Variants in LMNTD1 observed in about 807,000 individuals in gnomAD.
The protein encoded by LMNTD1 is lamin tail domain-containing protein 1.
LMNTD1 carries 35 observed loss-of-function variants against 50.9 expected under a neutral mutation model. The observed-to-expected ratio is 0.69, with a 90% CI of 0.53 to 0.91. LMNTD1 has a LOEUF of 0.91. LMNTD1 is among the 40% of genes least tolerant of loss of function. The probability of loss-of-function intolerance (pLI) is 0.00; values close to 1 mark genes in which losing one functional copy is unlikely to be tolerated. For synonymous variants in LMNTD1, 153 were observed against 161.9 expected (o/e 0.94, Z 0.42); for missense variants, 470 against 475.5 (o/e 0.99, Z 0.11).
chr12:25,628,107 CAAAAAAAAAAAAAAAAAAAA>C (rs58780549), intron 1 of LMNTD1, among the ~76,000 whole-genome samples: 3 of 52,452 alleles, frequency 5.7e-5, no homozygotes, highest in Admixed American at 6.7e-4. Context: ...AACTCCGTCT[CAAAAAAAAAAAAAAAAAAAA>C]AAAAAAAAAA....
chr12:25,478,973 A>C (rs1293712222), intron 9 of LMNTD1, among the ~76,000 whole-genome samples: 1 of 151,738 alleles, frequency 6.6e-6, no homozygotes, highest in African/African-American at 2.4e-5. Flanking sequence ...GTGGTTTCCC[A>C]TTGACCTTAA....
intron 1 of LMNTD1, among the ~76,000 whole-genome samples, chr12:25,606,438 T>C (rs1345693463): frequency 2.0e-5 from 3 of 152,222 alleles, no homozygotes; most frequent in African/African-American, 7.2e-5. Flanking sequence ...TTCCAGTTTT[T>C]GTCCATTCAG....
chr12:25,490,570 A>G (rs371781497), intron 9 of LMNTD1, among the ~76,000 whole-genome samples: 2 of 152,212 alleles, frequency 1.3e-5, no homozygotes, highest in Non-Finnish European at 2.9e-5. Flanking sequence ...AACTATAAAC[A>G]TGAAAATCAG....
intron 1 of LMNTD1, among the ~76,000 whole-genome samples, chr12:25,625,804 G>A (rs779284361): frequency 6.6e-6 from 1 of 152,122 alleles, no homozygotes; most frequent in African/African-American, 2.4e-5. Context: ...AAGACAGGCT[G>A]GAGAGACAAC....
chr12:25,486,917 T>C (rs1445174307), intron 9 of LMNTD1, among the ~76,000 whole-genome samples: 3 of 152,142 alleles, frequency 2.0e-5, no homozygotes, highest in Admixed American at 1.3e-4. Context: ...CAGTATTTTA[T>C]TGAGGATTTT....
intron 8 of LMNTD1, among the ~76,000 whole-genome samples, chr12:25,505,726 C>G (rs1326399303): frequency 6.6e-6 from 1 of 152,124 alleles, no homozygotes; most frequent in Admixed American, 6.6e-5. Flanking sequence ...GTTTTCTACT[C>G]AGTCTGATGA....
intron 1 of LMNTD1, among the ~76,000 whole-genome samples, chr12:25,601,272 AGAGTAGAAGG>A (rs1945965378): frequency 6.6e-6 from 1 of 151,956 alleles, no homozygotes; most frequent in Admixed American, 6.6e-5. Flanking sequence ...AGGAAGTTAG[AGAGTAGAAGG>A]ACAGTTACCA....
At chr12:25,576,477 C>T (rs1486878810) in intron 1 of LMNTD1, among the ~76,000 whole-genome samples, 2 of 152,204 alleles carry the variant, frequency 1.3e-5, no homozygotes, top group Non-Finnish European at 2.9e-5. Flanking sequence ...CTGTTGGCTG[C>T]ATAAATGTCT....
chr12:25,503,941 A>T, intron 8 of LMNTD1, 141 bp from the exon 9 acceptor site: 1 of 544,644 alleles, frequency 1.8e-6, no homozygotes, highest in Non-Finnish European at 3.2e-6. Context: ...ATTTTCTTTC[A>T]CTTGAAGAAG....
chr12:25,529,966 A>C (rs1942106344), intron 4 of LMNTD1, among the ~76,000 whole-genome samples: 1 of 152,098 alleles, frequency 6.6e-6, no homozygotes. Flanking sequence ...ATGCACACAC[A>C]TACTATTTCC....
intron 1 of LMNTD1, among the ~76,000 whole-genome samples, chr12:25,565,791 T>C (rs1220203273): frequency 6.6e-6 from 1 of 152,226 alleles, no homozygotes; most frequent in Non-Finnish European, 1.5e-5. Context: ...TTGAAATCCC[T>C]CAGCTTCCGA....
intron 1 of LMNTD1, among the ~76,000 whole-genome samples, chr12:25,643,150 T>C (rs1946988447): frequency 6.6e-6 from 1 of 152,212 alleles, no homozygotes; most frequent in Admixed American, 6.5e-5. Context: ...TAGATTGTAA[T>C]AAGAGTCATA....
intron 1 of LMNTD1, among the ~76,000 whole-genome samples, chr12:25,645,454 C>G (rs7968217): frequency 0.67 from 101,296 of 151,964 alleles, 34,033 homozygotes; most frequent in Admixed American, 0.72. Context: ...TGAAAGGTTA[C>G]GTTGCTCATA....
At position 25,594,522 on chromosome 12, in the gene LMNTD1, G is replaced by A. The variant is rs187414480; in HGVS notation, c.59-47968C>T. ...AGACAACCAAATGTTGACAGAATTC[G>A]CCACTACCAAGCTGAAACTACAAGA... On this transcript the variant is annotated intron_variant, in intron 1 of 7. Transcript: ENST00000445693. Among the ~76,000 whole-genome samples, 31 of 151,898 alleles carry A rather than the reference G, an allele frequency of 2.0e-4. 1 individual carries two copies. In the East Asian group the frequency reaches 4.8e-3, roughly 24 times the overall value.
rs756090168 is a variant in LMNTD1, at chr12:25,549,542, C to G, written c.94G>C (p.Glu32Gln). Residue 32 changes from glutamate to glutamine, a missense_variant, in exon 3 of 10, where the codon GAA (glutamate) becomes CAA (glutamine). By Grantham distance (29) the Glu-to-Gln change is conservative. Transcript: ENST00000458174. ...AAAGAATATACTCCAAGTTTGTCTTCTCTTCTGTGTACAAAAAATATAATA... is the reference window on the plus strand; with the variant it reads ...AAAGAATATACTCCAAGTTTGTCTTGTCTTCTGTGTACAAAAAATATAATA... ...EDKNEKQKQREDKLGVYSLVH... is the reference protein window; with the variant it reads ...EDKNEKQKQRQDKLGVYSLVH... 15 of 1,583,030 alleles carry G rather than the reference C, an allele frequency of 9.5e-6. No homozygotes were observed. Among genetic ancestry groups the G allele is most frequent in the African/African-American group, 1.3e-5 (1 of 74,250 alleles).
chr12:25,623,553 CAAAAAAAAAAAAA>C (rs57326398), intron 1 of LMNTD1, among the ~76,000 whole-genome samples: 2 of 57,534 alleles, frequency 3.5e-5, no homozygotes, highest in African/African-American at 7.1e-5. Flanking sequence ...GACTCTGTCT[CAAAAAAAAAAAAA>C]AAAAAAAAAA....
At chr12:25,644,926 T>G (rs1947034374) in intron 1 of LMNTD1, among the ~76,000 whole-genome samples, 1 of 152,198 alleles carries the variant, frequency 6.6e-6, no homozygotes, top group African/African-American at 2.4e-5. Flanking sequence ...ATTAGATTTC[T>G]TTTTCAATGA....
chr12:25,560,167 T>C (rs1440649950), intron 1 of LMNTD1, among the ~76,000 whole-genome samples: 4 of 152,252 alleles, frequency 2.6e-5, no homozygotes. Context: ...AGGGATTTTA[T>C]GGTTTTAGGT....
intron 1 of LMNTD1, among the ~76,000 whole-genome samples, chr12:25,633,030 C>G (rs1302372378): frequency 1.5e-5 from 1 of 66,680 alleles, no homozygotes; most frequent in South Asian, 4.2e-4. Flanking sequence ...ATTCTTATAT[C>G]AGAAAAAAAA....
Sources: gnomAD v4.1 joint callset for allele counts (sites outside exome capture counted in the v4.1 genomes callset) on GRCh38, gnomAD v4.1.1 for gene constraint, MANE v1.5 for transcripts, NCBI Gene and HGNC (gene_info 2026-07-23, HGNC 2026-07-21) for gene names.